The following SYT16 variants were observed in gnomAD, a reference collection of about 807,000 sequenced individuals.
The protein encoded by SYT16 is synaptotagmin 16.
SYT16 carries 42 observed loss-of-function variants against 61.4 expected under a neutral mutation model. The observed-to-expected ratio is 0.68, with a 90% confidence interval of 0.53 to 0.89. The LOEUF is 0.89. Ranked by LOEUF, SYT16 falls within the 40% of genes least tolerant of loss-of-function variation. The probability of loss-of-function intolerance (pLI) is 0.00; values close to 1 mark genes in which losing one functional copy is unlikely to be tolerated. For missense variants in SYT16, 804 were observed against 807.3 expected (o/e 1.00, Z 0.05); for synonymous variants, 314 against 302.3 (o/e 1.04, Z -0.40).
chr14:61,839,394 ATTC>A (rs1391222849), intron 1 of SYT16, among the ~76,000 whole-genome samples: 1 of 152,212 alleles, frequency 6.6e-6, no homozygotes, highest in Non-Finnish European at 1.5e-5. Context: ...ATAAATTTCC[ATTC>A]TTCGTAAACT....
At position 62,109,959 on chromosome 14, in the gene SYT16, A is replaced by T. The variant is rs1374828847; in HGVS notation, c.*9252A>T. The T allele has an allele frequency of 6.6e-6, 1 of 152,158 alleles. No homozygotes were observed. Among genetic ancestry groups the T allele is most frequent in the African/African-American group, 2.4e-5 (1 of 41,442 alleles). The allele number at this position is 152,158 out of a possible 1,614,324, so 9.4% of individuals were successfully genotyped here. The stretch of plus-strand genomic sequence containing the variant: ...TCTGAATGAAAAGATAACCCATGCT[A>T]ATGTATATGTTGCATGAACAAGTAG... On this transcript the variant is annotated 3_prime_UTR_variant, in exon 8 of 8. Transcript: ENST00000683842.
At chr14:61,877,366 C>G (rs2047536298) in intron 1 of SYT16, among the ~76,000 whole-genome samples, 1 of 152,172 alleles carries the variant, frequency 6.6e-6, no homozygotes, top group South Asian at 2.1e-4. Flanking sequence ...AAACACAGAT[C>G]TTTTGTGAAG....
chr14:61,817,010 C>CA (rs1491408669), intron 1 of SYT16, among the ~76,000 whole-genome samples: 942 of 3,608 alleles, frequency 0.26, 30 homozygotes, highest in African/African-American at 0.37. Context: ...GGCTCCGTCA[C>CA]ACACACACAC....
At position 61,903,733 on chromosome 14, in the gene SYT16, G is replaced by T. The variant is rs535559757; in HGVS notation, c.-324-66399G>T. Among the ~76,000 whole-genome samples the T allele has an allele frequency of 2.0e-5, 3 of 152,320 alleles. No homozygotes were observed. In the East Asian group the frequency reaches 5.8e-4, roughly 29 times the overall value. On this transcript the variant is annotated intron_variant, in intron 1 of 7. Coordinates refer to ENST00000683842, the MANE Select transcript of SYT16 (RefSeq NM_001367656.1). ...AGGAAGTAGATTATAGGTAGTTCTG[G>T]CAACATATTATTGGTCTTTGTCCTG...
chr14:62,072,854 G>C lies in SYT16; in HGVS notation c.737-2281G>C, dbSNP rs920317503. On this transcript the variant is annotated intron_variant, in intron 4 of 7. Transcript: ENST00000683842. ...AATGGGGTTTTATTCCATCAAAGTG[G>C]GATATGAACTAAGCAAGTGGAAGAA... is the stretch of plus-strand genomic sequence containing the variant. 3.3e-5 allele frequency among the ~76,000 whole-genome samples: 5 copies of C among 152,186 alleles called. No individual in the cohort carries two copies. In the South Asian group the frequency reaches 6.2e-4, roughly 19 times the overall value.
At chr14:61,896,612 G>A (rs910367243) in intron 1 of SYT16, among the ~76,000 whole-genome samples, 2 of 152,158 alleles carry the variant, frequency 1.3e-5, no homozygotes, top group African/African-American at 4.8e-5. Flanking sequence ...AAAATTCTGG[G>A]TTATAGACTA....
intron 3 of SYT16, among the ~76,000 whole-genome samples, chr14:61,999,363 A>C (rs1241428547): frequency 6.6e-6 from 1 of 151,496 alleles, no homozygotes; most frequent in African/African-American, 2.4e-5. Context: ...GAGTTTTTCA[A>C]ATTTTTTCAT....
intron 1 of SYT16, among the ~76,000 whole-genome samples, chr14:61,969,886 A>T (rs114432347): frequency 1.2e-3 from 176 of 152,310 alleles, no homozygotes; most frequent in African/African-American, 4.2e-3. Flanking sequence ...GAAACTACAC[A>T]TTCAAAGGTA....
intron 3 of SYT16, among the ~76,000 whole-genome samples, chr14:62,058,858 G>A (rs938894679): frequency 6.6e-6 from 1 of 152,102 alleles, no homozygotes; most frequent in Non-Finnish European, 1.5e-5. Flanking sequence ...AAGAAAATGT[G>A]GCATATATGC....
chr14:61,911,047 A>G (rs76057301), intron 1 of SYT16, among the ~76,000 whole-genome samples: 2,491 of 152,322 alleles, frequency 0.016, 39 homozygotes, highest in Admixed American at 0.027. Context: ...GCTATTGAAC[A>G]ATTTCTTGCC....
chr14:62,069,558 G>C (rs1334680452), intron 3 of SYT16, 45 bp from the exon 4 acceptor site: 1 of 1,563,638 alleles, frequency 6.4e-7, no homozygotes, highest in Non-Finnish European at 8.8e-7. Context: ...CTGTATTCGA[G>C]CATATAGGCC....
intron 3 of SYT16, among the ~76,000 whole-genome samples, chr14:62,002,811 T>A (rs1307679318): frequency 6.6e-6 from 1 of 152,068 alleles, no homozygotes; most frequent in Non-Finnish European, 1.5e-5. Context: ...CTGGGTAATT[T>A]AAAAAGAAAA....
chr14:61,931,830 C>G (rs997224001), intron 1 of SYT16, among the ~76,000 whole-genome samples: 1 of 152,076 alleles, frequency 6.6e-6, no homozygotes, highest in East Asian at 1.9e-4. Context: ...ATACATGTGC[C>G]ACGTTGGTGT....
intron 2 of SYT16, among the ~76,000 whole-genome samples, chr14:61,990,807 A>T (rs1440165191): frequency 6.6e-6 from 1 of 152,166 alleles, no homozygotes; most frequent in African/African-American, 2.4e-5. Context: ...TTATTCTGGG[A>T]TGGAATACCT....
intron 1 of SYT16, among the ~76,000 whole-genome samples, chr14:61,823,964 A>C (rs954858718): frequency 3.9e-5 from 6 of 152,244 alleles, no homozygotes; most frequent in Non-Finnish European, 8.8e-5. Flanking sequence ...AACTCTGAAC[A>C]CTATTTGTAA....
Position 62,110,760 on chromosome 14 carries a change from T to G in SYT16, c.*10053T>G, listed in dbSNP as rs999010461. Reference sequence around the variant, plus strand: ...TTTGAGTTGAATGCAGACCTTTCTTTAGAACAACCTAACTTTGAGTACAGG... The same window carrying G: ...TTTGAGTTGAATGCAGACCTTTCTTGAGAACAACCTAACTTTGAGTACAGG... On this transcript the variant is annotated 3_prime_UTR_variant, in exon 8 of 8. Transcript: ENST00000683842. 1 of 152,116 alleles carries G rather than the reference T, an allele frequency of 6.6e-6. No individual in the cohort carries two copies. The highest frequency in any genetic ancestry group is 6.6e-5 in the Admixed American group (1 of 15,266). The allele number at this position is 152,116 out of a possible 1,614,324, so 9.4% of individuals were successfully genotyped here.
At chr14:62,038,008 A>AT (rs2054576649) in intron 3 of SYT16, among the ~76,000 whole-genome samples, 1 of 152,150 alleles carries the variant, frequency 6.6e-6, no homozygotes, top group South Asian at 2.1e-4. Flanking sequence ...AATACTGTTG[A>AT]TTAAGCAGAT....
At chr14:61,882,756 A>G (rs2047746708) in intron 1 of SYT16, among the ~76,000 whole-genome samples, 1 of 152,240 alleles carries the variant, frequency 6.6e-6, no homozygotes, top group South Asian at 2.1e-4. Context: ...ATGAGCCTGT[A>G]AAATTGAAAG....
chr14:61,996,541 A>G lies in SYT16; in HGVS notation c.522A>G (p.Gln174=), dbSNP rs1023868943. The part of the protein sequence containing the change: ...GTLETVNGKK[Q]VNSFGDDEEL... ...TAGAAACTGTTAATGGAAAAAAGCA[A>G]GGTAAGCTAGCCAGTCATCATTTTC... The change falls in exon 3 of 8, where the codon CAA becomes CAG. Residue 174 remains glutamine, a splice_region_variant and synonymous_variant. Transcript: ENST00000683842. 1 of 1,588,934 alleles carries G rather than the reference A, an allele frequency of 6.3e-7. No homozygotes were observed. The highest frequency in any genetic ancestry group is 8.6e-7 in the Non-Finnish European group (1 of 1,167,294).
Sources: gnomAD v4.1 joint callset for allele counts (sites outside exome capture counted in the v4.1 genomes callset) on GRCh38, gnomAD v4.1.1 for gene constraint, MANE v1.5 for transcripts, NCBI Gene and HGNC (gene_info 2026-07-23, HGNC 2026-07-21) for gene names.